The following SFI1 variants were observed in gnomAD, a reference collection of about 807,000 sequenced individuals.
SFI1 encodes SFI1 centrin binding protein.
A neutral mutation model predicts 207.5 loss-of-function variants in SFI1; 195 were observed. The observed-to-expected ratio is 0.94, with a 90% CI of 0.84 to 1.06. The LOEUF (loss-of-function observed/expected upper bound fraction) is 1.06, where lower values mean the gene tolerates loss of function less well. Among genes scored for constraint, SFI1 ranks in the 50% least tolerant of loss-of-function variants. The pLI, the probability that SFI1 is intolerant of heterozygous loss-of-function variation, is 0.00. For missense variants in SFI1, 1,634 were observed against 1,588.0 expected, an observed-to-expected ratio of 1.03 and a Z score of -0.49; for synonymous variants, 630 against 598.9, an observed-to-expected ratio of 1.05 and a Z score of -0.76.
At chr22:31,591,514 GA>G in intron 15 of SFI1, among the ~76,000 whole-genome samples, 1 of 151,144 alleles carries the variant, frequency 6.6e-6, no homozygotes, top group East Asian at 2.0e-4. Flanking sequence ...TGGCCGGGCA[GA>G]GGGGCTCCTC....
At chr22:31,506,301 G>C (rs1287923141) in intron 1 of SFI1, among the ~76,000 whole-genome samples, 1 of 152,018 alleles carries the variant, frequency 6.6e-6, no homozygotes, top group East Asian at 1.9e-4. Flanking sequence ...GCCCGACTCA[G>C]CCTCCCAAAG....
intron 7 of SFI1, among the ~76,000 whole-genome samples, chr22:31,558,549 A>G (rs192962388): frequency 3.6e-4 from 55 of 151,566 alleles, no homozygotes; most frequent in East Asian, 2.1e-3. Context: ...GCTCACTGCA[A>G]CCTTCTGGGT....
intron 8 of SFI1, among the ~76,000 whole-genome samples, chr22:31,568,470 G>T (rs1384222771): frequency 7.1e-6 from 1 of 141,628 alleles, no homozygotes; most frequent in African/African-American, 2.7e-5. Context: ...AGCAGAGGTT[G>T]CAGTGAGCTG....
intron 1 of SFI1, among the ~76,000 whole-genome samples, chr22:31,507,033 A>G (rs1411954340): frequency 6.6e-6 from 1 of 152,228 alleles, no homozygotes; most frequent in African/African-American, 2.4e-5. Flanking sequence ...GGAACAAAAA[A>G]GCATGAATAG....
chr22:31,608,956 T>C (rs1160257148), intron 22 of SFI1, among the ~76,000 whole-genome samples: 3 of 151,968 alleles, frequency 2.0e-5, no homozygotes, highest in Non-Finnish European at 2.9e-5. Flanking sequence ...CAATGAACTA[T>C]GATCACACCA....
chr22:31,610,128 G>A (rs1234535539), intron 22 of SFI1, among the ~76,000 whole-genome samples: 2 of 152,158 alleles, frequency 1.3e-5, no homozygotes, highest in African/African-American at 2.4e-5. Context: ...CTTGTATTAA[G>A]GCCTCAGTGT....
chr22:31,591,332 T>A (rs2065871667), intron 15 of SFI1, among the ~76,000 whole-genome samples: 1 of 152,308 alleles, frequency 6.6e-6, no homozygotes, highest in Non-Finnish European at 1.5e-5. Flanking sequence ...TTTTTCTTAG[T>A]GCAGAACAAA....
At chr22:31,616,659 G>C (rs999885599) in intron 29 of SFI1, 86 bp from the exon 30 acceptor site, 2 of 1,422,116 alleles carry the variant, frequency 1.4e-6, no homozygotes, top group Non-Finnish European at 1.9e-6. Flanking sequence ...ACCCCTGCAG[G>C]GCAGGCAGTG....
chr22:31,615,474 T>TTG (rs2071259607), intron 29 of SFI1, 195 bp downstream of exon 29: 1 of 454,908 alleles, frequency 2.2e-6, no homozygotes, highest in African/African-American at 2.0e-5. Flanking sequence ...CCAAGGGCCC[T>TTG]GCCATCCTGA....
intron 8 of SFI1, among the ~76,000 whole-genome samples, chr22:31,565,373 TAGCCTGGGCA>T (rs2062184192): frequency 6.6e-6 from 1 of 151,860 alleles, no homozygotes; most frequent in Non-Finnish European, 1.5e-5. Flanking sequence ...TGTTTGAGGC[TAGCCTGGGCA>T]ATATAATGAG....
At chr22:31,513,442 C>T (rs2146807354) in intron 2 of SFI1, among the ~76,000 whole-genome samples, 1 of 152,252 alleles carries the variant, frequency 6.6e-6, no homozygotes, top group South Asian at 2.1e-4. Context: ...TTAGATGCTG[C>T]ACCCAGCCTT....
intron 2 of SFI1, chr22:31,521,261 C>T (rs2057214302): frequency 1.1e-5 from 2 of 187,730 alleles, no homozygotes; most frequent in Non-Finnish European, 1.2e-5. Context: ...GGAATGACAC[C>T]ATCACCAGCA....
At chr22:31,558,662 A>G (rs1031356059) in intron 7 of SFI1, among the ~76,000 whole-genome samples, 1 of 152,044 alleles carries the variant, frequency 6.6e-6, no homozygotes, top group African/African-American at 2.4e-5. Flanking sequence ...TATTTTTACT[A>G]GAGGCAGGGT....
chr22:31,513,435 G>C (rs758611134), intron 2 of SFI1, among the ~76,000 whole-genome samples: 11 of 152,148 alleles, frequency 7.2e-5, no homozygotes, highest in Non-Finnish European at 1.3e-4. Context: ...ACAGGCGTTA[G>C]ATGCTGCACC....
intron 6 of SFI1, among the ~76,000 whole-genome samples, chr22:31,551,169 T>G (rs779364434): frequency 4.6e-5 from 7 of 152,180 alleles, no homozygotes; most frequent in Non-Finnish European, 1.0e-4. Flanking sequence ...TTTTCGTGCT[T>G]CTCATTGTAC....
chr22:31,614,040 T>A (rs1720909596), intron 27 of SFI1, 185 bp downstream of exon 27: 3 of 786,864 alleles, frequency 3.8e-6, no homozygotes, highest in Non-Finnish European at 5.7e-6. Context: ...AGGGAGAGAA[T>A]GGAGTGGGAT....
At chr22:31,604,078 G>A (rs910601351) in intron 18 of SFI1, among the ~76,000 whole-genome samples, 5 of 152,130 alleles carry the variant, frequency 3.3e-5, no homozygotes, top group South Asian at 2.1e-4. Flanking sequence ...GGAGTCCTAC[G>A]TCCTACTGAG....
intron 1 of SFI1, among the ~76,000 whole-genome samples, chr22:31,506,478 G>A (rs2054656869): frequency 1.3e-5 from 2 of 152,218 alleles, no homozygotes; most frequent in Non-Finnish European, 2.9e-5. Context: ...GTGAAGGGAA[G>A]TTGAAGGTGC....
intron 2 of SFI1, among the ~76,000 whole-genome samples, chr22:31,521,002 CAAAA>C (rs57346699): frequency 2.1e-5 from 1 of 47,496 alleles, no homozygotes; most frequent in African/African-American, 8.4e-5. Flanking sequence ...GACCCTGTCT[CAAAA>C]AAAAAAAAAA....
Sources: allele counts gnomAD v4.1 joint callset (sites outside exome capture counted in the v4.1 genomes callset), GRCh38; gene constraint gnomAD v4.1.1; transcripts MANE v1.5; gene names NCBI Gene and HGNC (gene_info 2026-07-23, HGNC 2026-07-21).